The following RNF212B variants were observed in gnomAD, a reference collection of about 807,000 sequenced individuals.
RNF212B encodes the protein E3 ubiquitin-protein ligase RNF212B.
In RNF212B, 52 loss-of-function variants were observed where a neutral mutation model predicts 55.5. The observed-to-expected ratio is 0.94, with a 90% CI of 0.75 to 1.18. RNF212B has a LOEUF of 1.18. Among genes scored for constraint, RNF212B ranks in the 50% most tolerant of loss-of-function variants. RNF212B has a pLI of 0.00. For missense variants in RNF212B, 289 were observed against 350.4 expected, an observed-to-expected ratio of 0.82 and a Z score of 1.40; for synonymous variants, 99 against 121.4, an observed-to-expected ratio of 0.82 and a Z score of 1.21.
intron 2 of RNF212B, among the ~76,000 whole-genome samples, chr14:23,220,909 T>A (rs1594894074): frequency 6.7e-6 from 1 of 148,978 alleles, no homozygotes; most frequent in Non-Finnish European, 1.5e-5. Context: ...TCACCTTCAC[T>A]AAAAGGAAGA....
intron 2 of RNF212B, among the ~76,000 whole-genome samples, chr14:23,225,974 T>G (rs1881966709): frequency 6.6e-6 from 1 of 152,126 alleles, no homozygotes; most frequent in Admixed American, 6.6e-5. Context: ...ACACCAAGTA[T>G]GTACCCACAA....
chr14:23,270,571 A>G, intron 13 of RNF212B, 29 bp from the exon 14 acceptor site: 1 of 1,519,036 alleles, frequency 6.6e-7, no homozygotes, highest in Non-Finnish European at 8.9e-7. Context: ...CAAGTAAGTT[A>G]TCTTTCACTG....
At chr14:23,250,872 A>G (rs1445765549) in intron 4 of RNF212B, among the ~76,000 whole-genome samples, 1 of 152,206 alleles carries the variant, frequency 6.6e-6, no homozygotes, top group Non-Finnish European at 1.5e-5. Flanking sequence ...ATAGGTAGAT[A>G]AGAGACCAAT....
At chr14:23,243,383 T>C in intron 3 of RNF212B, 75 bp downstream of exon 3, 4 of 1,252,680 alleles carry the variant, frequency 3.2e-6, no homozygotes, top group Admixed American at 4.3e-5. Context: ...AAAGTACAGA[T>C]GATGAATTGT....
chr14:23,251,649 C>T lies in RNF212B; in HGVS notation c.229-6900C>T, dbSNP rs371490643. 3.3e-5 allele frequency among the ~76,000 whole-genome samples: 5 copies of T among 152,186 alleles called. No individual in the cohort carries two copies. The East Asian group carries it at 9.7e-4, about 29-fold the overall frequency. On this transcript the variant is annotated intron_variant, in intron 4 of 14. Coordinates refer to ENST00000430154, the MANE Select transcript of RNF212B (RefSeq NM_001282322.3). ...TGGCCAACATGGTGAAACCCTGCCTCTACTAAAAATACCAAAAGTAGATGG... is the reference window on the plus strand; with the variant it reads ...TGGCCAACATGGTGAAACCCTGCCTTTACTAAAAATACCAAAAGTAGATGG...
intron 4 of RNF212B, among the ~76,000 whole-genome samples, chr14:23,247,440 C>T (rs1041139844): frequency 7.0e-6 from 1 of 142,108 alleles, no homozygotes; most frequent in Non-Finnish European, 1.5e-5. Flanking sequence ...CCCAGGCGAT[C>T]ACTAATTTAC....
At chr14:23,229,158 C>A (rs1882298672) in intron 2 of RNF212B, among the ~76,000 whole-genome samples, 1 of 142,426 alleles carries the variant, frequency 7.0e-6, no homozygotes, top group African/African-American at 2.6e-5. Flanking sequence ...ATAATTTTTT[C>A]AAGATTCATC....
chr14:23,262,016 C>T (rs8018227), intron 7 of RNF212B, among the ~76,000 whole-genome samples: 60,474 of 151,668 alleles, frequency 0.4, 12,139 homozygotes, highest in East Asian at 0.42. Context: ...TCTATATATA[C>T]ACACACACAC....
chr14:23,221,940 G>T (rs898358985), intron 2 of RNF212B, among the ~76,000 whole-genome samples: 1 of 152,144 alleles, frequency 6.6e-6, no homozygotes, highest in Non-Finnish European at 1.5e-5. Flanking sequence ...CTTGAAACAA[G>T]TGATAATGGA....
chr14:23,207,249 T>C (rs1879940116), intron 2 of RNF212B, among the ~76,000 whole-genome samples: 1 of 152,168 alleles, frequency 6.6e-6, no homozygotes, highest in Non-Finnish European at 1.5e-5. Flanking sequence ...ACTTTAGTCA[T>C]TTAAAAGGAA....
intron 1 of RNF212B, among the ~76,000 whole-genome samples, chr14:23,192,069 C>T (rs1878167367): frequency 6.6e-6 from 1 of 150,980 alleles, no homozygotes; most frequent in Non-Finnish European, 1.5e-5. Context: ...GAAATAGGAA[C>T]ATTTTTACAC....
chr14:23,194,734 C>CAAA lies in RNF212B; in HGVS notation c.-2+1354_-2+1356dup, dbSNP rs34019946. ...TGGGCTACAGAGTGAGACTCTGTCT[C>CAAA]AAAAAAAAAAAAAAAAAAAAAAACA... On this transcript the variant is annotated intron_variant, in intron 2 of 15. Coordinates refer to the RNF212B transcript ENST00000399910. Among the ~76,000 whole-genome samples the CAAA allele has an allele frequency of 7.7e-3, 571 of 74,194 alleles. 3 individuals are homozygous for CAAA. Among genetic ancestry groups the CAAA allele is most frequent in the East Asian group, 0.012 (22 of 1,902 alleles). 48.7% of individuals were successfully genotyped at this position (74,194 alleles called of 152,430 possible).
chr14:23,233,129 A>T (rs1025448825), upstream of RNF212B, among the ~76,000 whole-genome samples: 1 of 152,182 alleles, frequency 6.6e-6, no homozygotes, highest in Non-Finnish European at 1.5e-5. Context: ...GCTCTCTGAA[A>T]CATGTGCTGT....
chr14:23,203,982 T>A (rs1373336925), intron 2 of RNF212B, among the ~76,000 whole-genome samples: 1 of 152,258 alleles, frequency 6.6e-6, no homozygotes, highest in Non-Finnish European at 1.5e-5. Context: ...TGATCACTAG[T>A]GATGCTGAGC....
intron 2 of RNF212B, among the ~76,000 whole-genome samples, chr14:23,212,254 C>T (rs1224386481): frequency 6.6e-6 from 1 of 152,178 alleles, no homozygotes; most frequent in Non-Finnish European, 1.5e-5. Context: ...CACTTCTCTT[C>T]AACATTATGC....
In RNF212B at chr14:23,203,477, T is replaced by TC. The variant is rs1481464094; in HGVS notation, c.-2+10081dup. On this transcript the variant is annotated intron_variant, in intron 2 of 15. Transcript: ENST00000399910. ...GATCGAATGGTAGTTCTACTTTTAGTCCCCCTTTTTTTTTTTTTTGAGATG... is the reference window on the plus strand; with the variant it reads ...GATCGAATGGTAGTTCTACTTTTAGTCCCCCCTTTTTTTTTTTTTTGAGATG... Among the ~76,000 whole-genome samples, 52 of 79,970 alleles carry TC rather than the reference T, an allele frequency of 6.5e-4. 1 individual carries two copies. Among genetic ancestry groups the TC allele is most frequent in the Admixed American group, 5.5e-3 (26 of 4,746 alleles). The allele number at this position is 79,970 out of a possible 152,430, so 52.5% of individuals were successfully genotyped here. A position where few individuals can be genotyped will look rare whatever the true frequency, so the allele number is the denominator to read the frequency against.
At chr14:23,207,662 TC>T (rs886952517) in intron 2 of RNF212B, among the ~76,000 whole-genome samples, 2 of 152,146 alleles carry the variant, frequency 1.3e-5, no homozygotes, top group Admixed American at 1.3e-4. Flanking sequence ...CTCAGAATCC[TC>T]CCATGGTTAC....
At chr14:23,195,492 A>T (rs931578349) in intron 2 of RNF212B, among the ~76,000 whole-genome samples, 1 of 152,088 alleles carries the variant, frequency 6.6e-6, no homozygotes, top group Non-Finnish European at 1.5e-5. Flanking sequence ...CTGCTCTGGA[A>T]CCAATTGTTT....
chr14:23,240,391 C>T lies in RNF212B; in HGVS notation c.46C>T (p.His16Tyr). 2 of 1,550,220 alleles carry T rather than the reference C, an allele frequency of 1.3e-6. No individual in the cohort carries two copies. The highest frequency in any genetic ancestry group is 2.7e-5 in the African/African-American group (2 of 73,108). Reference protein sequence around the residue: ...CNQCFRKDGAHFFVTSCGHIF... With the variant: ...CNQCFRKDGAYFFVTSCGHIF... ...CCAGTGCTTCCGAAAAGATGGGGCC[C>T]ATTTCTTTGTCACCAGCTGTGGCCA... The change falls in exon 2 of 15, where the codon CAT (histidine) becomes TAT (tyrosine). Residue 16 changes from histidine to tyrosine, a missense_variant. Physicochemically the swap from His to Tyr is moderately conservative, Grantham distance 83. Coordinates refer to ENST00000430154, the MANE Select transcript of RNF212B (RefSeq NM_001282322.3).
Sources: allele counts gnomAD v4.1 joint callset (sites outside exome capture counted in the v4.1 genomes callset), GRCh38; gene constraint gnomAD v4.1.1; transcripts MANE v1.5; gene names NCBI Gene and HGNC (gene_info 2026-07-23, HGNC 2026-07-21).